LRRC52: variants seen among roughly 807,000 people sequenced by gnomAD.
LRRC52 encodes leucine rich repeat containing 52.
A neutral mutation model predicts 14.7 loss-of-function variants in LRRC52; 15 were observed. The observed-to-expected ratio is 1.02, with a 90% CI of 0.68 to 1.58. The LOEUF (loss-of-function observed/expected upper bound fraction) is 1.58. Ranked by LOEUF, LRRC52 falls within the 40% of genes most tolerant of loss-of-function variation. LRRC52 has a pLI of 0.00. For synonymous variants in LRRC52, 180 were observed against 163.9 expected (o/e 1.10, Z -0.75); for missense variants, 400 against 387.7 (o/e 1.03, Z -0.27).
chr1:165,563,762 G>A lies in LRRC52; in HGVS notation c.880G>A (p.Val294Ile). 6.2e-7 allele frequency: 1 copy of A among 1,614,198 alleles called. No individual in the cohort carries two copies. Among genetic ancestry groups the A allele is most frequent in the East Asian group, 2.2e-5 (1 of 44,882 alleles). The change falls in exon 2 of 2, where the codon GTC (valine) becomes ATC (isoleucine). Residue 294 changes from valine (V) to isoleucine (I), a missense_variant. Physicochemically the swap from Val to Ile is conservative, Grantham distance 29 (BLOSUM62 3). Transcript: ENST00000294818. ...DEDEAGTRVE[V>I]SRRIFQTQTS... ...GGACGAGGCCGGGACTAGGGTGGAA[G>A]TCAGCCGGCGGATTTTTCAAACCCA...
rs7539622 is a variant in LRRC52, at chr1:165,544,180, A to G, written c.-117A>G. The G allele has an allele frequency of 0.053, 60,223 of 1,135,770 alleles. 4,706 individuals are homozygous for G. Among genetic ancestry groups the G allele is most frequent in the South Asian group, 0.18 (11,150 of 63,634 alleles). The allele number at this position is 1,135,770 out of a possible 1,614,324, so 70.4% of individuals were successfully genotyped here. A position where few individuals can be genotyped will look rare whatever the true frequency, so the allele number is the denominator to read the frequency against. ...ATGGAAAATTGCTTTGCACAAAGCT[A>G]AAGTGTTACAGTTCTTTCCAGAGCC... On this transcript the variant is annotated 5_prime_UTR_variant, in exon 1 of 2. An upstream open reading frame in the 5' UTR loses its in-frame stop. Coordinates refer to ENST00000294818, the MANE Select transcript of LRRC52 (RefSeq NM_001005214.4).
intron 1 of LRRC52, among the ~76,000 whole-genome samples, chr1:165,556,969 C>G (rs1281178819): frequency 6.6e-6 from 1 of 152,176 alleles, no homozygotes; most frequent in South Asian, 2.1e-4. Flanking sequence ...TCCTAAACAA[C>G]AGGCCAAAGA....
Position 165,547,751 on chromosome 1 carries a change from A to G in LRRC52, c.622+2833A>G, listed in dbSNP as rs76448130. Among the ~76,000 whole-genome samples, 170 of 152,326 alleles carry G rather than the reference A, an allele frequency of 1.1e-3. 3 individuals are homozygous for G. The East Asian group carries it at 0.032, about 29-fold the overall frequency. On this transcript the variant is annotated intron_variant, in intron 1 of 1. Transcript: ENST00000294818. ...TACATACCTACTTACGTACCCATCC[A>G]CATATTACATACACACACATAAATG...
intron 1 of LRRC52, among the ~76,000 whole-genome samples, chr1:165,555,312 G>T (rs1661211174): frequency 6.6e-6 from 1 of 152,152 alleles, no homozygotes. Context: ...ATTACAAGGG[G>T]TGGAAGAAGG....
intron 1 of LRRC52, among the ~76,000 whole-genome samples, chr1:165,554,683 C>T (rs905132507): frequency 3.3e-5 from 5 of 152,196 alleles, no homozygotes; most frequent in African/African-American, 9.6e-5. Flanking sequence ...GATCCACCCA[C>T]CTTGGCCTTC....
At chr1:165,545,395 T>C (rs1425283005) in intron 1 of LRRC52, among the ~76,000 whole-genome samples, 5 of 152,098 alleles carry the variant, frequency 3.3e-5, no homozygotes, top group African/African-American at 1.2e-4. Flanking sequence ...GTCATTCATA[T>C]AGGATTATGA....
rs764403645 is a variant in LRRC52 at position 165,544,611 on chromosome 1, C to T, written c.315C>T (p.Tyr105=). The T allele has an allele frequency of 3.7e-6, 6 of 1,613,880 alleles. No individual in the cohort carries two copies. In the Admixed American group the frequency reaches 1.0e-4, roughly 27 times the overall value. Residue 105 remains tyrosine, a synonymous_variant, in exon 1 of 2, where the codon TAC becomes TAT. Transcript: ENST00000294818. ...TCATCGGGGTCTTCAAACTCATCTA[C>T]CTTGACCTCAGCTCCAACAACCTAA... The part of the protein sequence containing the change: ...YTFIGVFKLI[Y]LDLSSNNLTS...
chr1:165,557,622 G>A (rs973526709), intron 1 of LRRC52, among the ~76,000 whole-genome samples: 1 of 152,026 alleles, frequency 6.6e-6, no homozygotes. Context: ...CAATTTCCTT[G>A]ACAAAAACAT....
At chr1:165,558,640 C>T (rs575303365) in intron 1 of LRRC52, among the ~76,000 whole-genome samples, 110 of 151,384 alleles carry the variant, frequency 7.3e-4, no homozygotes, top group South Asian at 1.7e-3. Flanking sequence ...GTATGGTTAA[C>T]GAGCTAAAGA....
In LRRC52 at chr1:165,544,008, C is replaced by T; in HGVS notation, c.-289C>T. The T allele has an allele frequency of 2.2e-6, 1 of 448,480 alleles. No homozygotes were observed. Among genetic ancestry groups the T allele is most frequent in the South Asian group, 3.5e-5 (1 of 28,398 alleles). 27.8% of individuals were successfully genotyped at this position (448,480 alleles called of 1,614,324 possible). A position where few individuals can be genotyped will look rare whatever the true frequency, so the allele number is the denominator to read the frequency against. Reference sequence around the variant, plus strand: ...GTGGCTCTCCCCTGGCTCCCCTTCACTTGCAAACGCAGGGAAAGGGTGAGA... The same window carrying T: ...GTGGCTCTCCCCTGGCTCCCCTTCATTTGCAAACGCAGGGAAAGGGTGAGA... On this transcript the variant is annotated 5_prime_UTR_variant, in exon 1 of 2. Transcript: ENST00000294818.
intron 1 of LRRC52, among the ~76,000 whole-genome samples, chr1:165,562,203 CCTTATTTGTA>C (rs1397825791): frequency 7.2e-5 from 11 of 152,306 alleles, no homozygotes; most frequent in Non-Finnish European, 1.3e-4. Context: ...ATCTCAGTTT[CCTTATTTGTA>C]AGACAAGGAA....
intron 1 of LRRC52, among the ~76,000 whole-genome samples, chr1:165,546,813 C>T (rs1273713956): frequency 6.6e-6 from 1 of 152,142 alleles, no homozygotes; most frequent in Non-Finnish European, 1.5e-5. Flanking sequence ...GACTCCTTGA[C>T]TCTTCAGTTC....
At chr1:165,546,560 C>G (rs1661024184) in intron 1 of LRRC52, among the ~76,000 whole-genome samples, 1 of 152,138 alleles carries the variant, frequency 6.6e-6, no homozygotes, top group Non-Finnish European at 1.5e-5. Context: ...GTCCATGTTC[C>G]TGTAAATTAG....
chr1:165,563,939 A>G lies in LRRC52; in HGVS notation c.*115A>G. 4.3e-6 allele frequency: 5 copies of G among 1,153,224 alleles called. No homozygotes were observed. The highest frequency in any genetic ancestry group is 6.1e-6 in the Non-Finnish European group (5 of 813,380). 71.4% of individuals were successfully genotyped at this position (1,153,224 alleles called of 1,614,324 possible). On this transcript the variant is annotated 3_prime_UTR_variant, in exon 2 of 2. Coordinates refer to ENST00000294818, the MANE Select transcript of LRRC52 (RefSeq NM_001005214.4). The stretch of plus-strand genomic sequence containing the variant: ...AGATTGAAACCTTCTAGTAAAATAA[A>G]TAAAATCTCTGATGGCCATTTCACA...
In LRRC52 at chr1:165,544,208, T is replaced by TGCCCCCCC; in HGVS notation, c.-89_-88insGCCCCCCC. On this transcript the variant is annotated 5_prime_UTR_variant, in exon 1 of 2. Coordinates refer to ENST00000294818, the MANE Select transcript of LRRC52 (RefSeq NM_001005214.4). ...GTGTTACAGTTCTTTCCAGAGCCCC[T>TGCCCCCCC]CCCCCGCCCCACCCCCCCACCGGCA... 2 of 448,100 alleles carry TGCCCCCCC rather than the reference T, an allele frequency of 4.5e-6. No individual in the cohort carries two copies. Among genetic ancestry groups the TGCCCCCCC allele is most frequent in the Non-Finnish European group, 8.5e-6 (2 of 235,722 alleles). The allele number at this position is 448,100 out of a possible 1,614,324, so 27.8% of individuals were successfully genotyped here. A position where few individuals can be genotyped will look rare whatever the true frequency, so the allele number is the denominator to read the frequency against.
At chr1:165,550,056 G>C (rs1661100602) in intron 1 of LRRC52, among the ~76,000 whole-genome samples, 2 of 152,334 alleles carry the variant, frequency 1.3e-5, no homozygotes, top group Non-Finnish European at 2.9e-5. Flanking sequence ...ACTGAAAACA[G>C]ACCCACACAT....
intron 1 of LRRC52, among the ~76,000 whole-genome samples, chr1:165,554,316 AAGG>A (rs953115635): frequency 4.1e-4 from 63 of 152,290 alleles, no homozygotes; most frequent in African/African-American, 1.5e-3. Flanking sequence ...GAGCAGAGGC[AAGG>A]AGTTCAACTT....
chr1:165,548,563 A>G (rs1661069639), intron 1 of LRRC52, among the ~76,000 whole-genome samples: 1 of 152,210 alleles, frequency 6.6e-6, no homozygotes, highest in South Asian at 2.1e-4. Flanking sequence ...GATGAAGGAC[A>G]GTCACCCTCA....
Position 165,544,081 on chromosome 1 carries a change from C to T in LRRC52, c.-216C>T. ...CAAGCTTCCAGCAGCAGTCTGGGAG[C>T]GAGCGACAGAGCCACCAAGCTGGGC... On this transcript the variant is annotated 5_prime_UTR_variant, in exon 1 of 2. Coordinates refer to ENST00000294818, the MANE Select transcript of LRRC52 (RefSeq NM_001005214.4). 1.6e-6 allele frequency: 1 copy of T among 606,410 alleles called. No individual in the cohort carries two copies. The allele number at this position is 606,410 out of a possible 1,614,324, so 37.6% of individuals were successfully genotyped here.
Sources: allele counts gnomAD v4.1 joint callset (sites outside exome capture counted in the v4.1 genomes callset), GRCh38; gene constraint gnomAD v4.1.1; transcripts MANE v1.5; gene names NCBI Gene and HGNC (gene_info 2026-07-23, HGNC 2026-07-21).